The following SKIC3 variants were observed in gnomAD, a reference collection of about 807,000 sequenced individuals.
SKIC3 encodes the protein superkiller complex protein 3.
the SKIC3 span, among the ~76,000 whole-genome samples, chr5:95,467,280 C>T: frequency 6.6e-6 from 1 of 152,060 alleles, no homozygotes. Context: ...ATAAAAATAT[C>T]CATGAATCTA....
chr5:95,552,811 A>T, the SKIC3 span, among the ~76,000 whole-genome samples: 1 of 152,040 alleles, frequency 6.6e-6, no homozygotes, highest in Admixed American at 6.6e-5. Flanking sequence ...CAAAACAATG[A>T]GGAAACCTGA....
chr5:95,464,778 T>C, the SKIC3 span: 2 of 924,890 alleles, frequency 2.2e-6, no homozygotes, highest in African/African-American at 3.3e-5. Context: ...GCGGCAGTCT[T>C]GAAAAGGCAA....
the SKIC3 span, chr5:95,516,463 T>A: frequency 1.8e-5 from 29 of 1,612,230 alleles, no homozygotes; most frequent in Admixed American, 8.4e-5. Flanking sequence ...TAGTTGAAAG[T>A]CTCAGAAAAT....
the SKIC3 span, among the ~76,000 whole-genome samples, chr5:95,491,595 CCTTCACAGCAG>C: frequency 6.6e-6 from 1 of 152,188 alleles, no homozygotes; most frequent in African/African-American, 2.4e-5. Flanking sequence ...TTTCCTTCAT[CCTTCACAGCAG>C]CTTCAGGGTA....
chr5:95,474,463 G>C, the SKIC3 span, among the ~76,000 whole-genome samples: 1 of 152,178 alleles, frequency 6.6e-6, no homozygotes, highest in Non-Finnish European at 1.5e-5. Context: ...TCTGCTTCTA[G>C]CTCGTAACAT....
the SKIC3 span, chr5:95,516,875 T>C: frequency 1.2e-5 from 19 of 1,559,174 alleles, no homozygotes; most frequent in Non-Finnish European, 1.7e-5. Flanking sequence ...AAAAGCATTA[T>C]GTTTTTGAAA....
chr5:95,525,750 G>A, the SKIC3 span: 11 of 1,369,140 alleles, frequency 8.0e-6, no homozygotes, highest in East Asian at 4.6e-5. Flanking sequence ...ATTAACGAAC[G>A]AACACAGAAA....
the SKIC3 span, chr5:95,523,388 T>A: frequency 6.6e-7 from 1 of 1,510,492 alleles, no homozygotes; most frequent in Non-Finnish European, 9.1e-7. Flanking sequence ...AGAACGCTCA[T>A]GTAAAGTACA....
At chr5:95,549,655 A>G in the SKIC3 span, among the ~76,000 whole-genome samples, 53 of 152,140 alleles carry the variant, frequency 3.5e-4, no homozygotes, top group African/African-American at 1.2e-3. Context: ...GCATACACAC[A>G]TATATGTACG....
chr5:95,478,497 G>C, the SKIC3 span: 1 of 1,604,894 alleles, frequency 6.2e-7, no homozygotes, highest in Non-Finnish European at 8.5e-7. Flanking sequence ...TATGCAGTCT[G>C]TTACCCCTAC....
At chr5:95,478,757 A>G in the SKIC3 span, among the ~76,000 whole-genome samples, 1 of 152,218 alleles carries the variant, frequency 6.6e-6, no homozygotes, top group Non-Finnish European at 1.5e-5. Flanking sequence ...CCACATTAAC[A>G]GAATAAAGAA....
chr5:95,490,164 T>C, the SKIC3 span, among the ~76,000 whole-genome samples: 1 of 151,984 alleles, frequency 6.6e-6, no homozygotes, highest in East Asian at 1.9e-4. Context: ...TAACAGCTTA[T>C]TCTGACCAAG....
At chr5:95,543,343 T>G in the SKIC3 span, 2 of 1,612,998 alleles carry the variant, frequency 1.2e-6, no homozygotes, top group Non-Finnish European at 1.7e-6. Flanking sequence ...TTAAAAAAAA[T>G]TAAAAGAGTA....
chr5:95,532,249 C>T, the SKIC3 span, among the ~76,000 whole-genome samples: 1 of 152,206 alleles, frequency 6.6e-6, no homozygotes, highest in South Asian at 2.1e-4. Flanking sequence ...GGTTGGTACA[C>T]GAAAATAGTT....
At chr5:95,471,415 C>A in the SKIC3 span, among the ~76,000 whole-genome samples, 1 of 152,136 alleles carries the variant, frequency 6.6e-6, no homozygotes, top group Non-Finnish European at 1.5e-5. Context: ...TTTCCCACTA[C>A]CTGTTCAACA....
chr5:95,483,033 T>A, the SKIC3 span, among the ~76,000 whole-genome samples: 4 of 152,118 alleles, frequency 2.6e-5, no homozygotes, highest in Non-Finnish European at 5.9e-5. Context: ...GAGGCATACA[T>A]TTTTTTCTTT....
At chr5:95,495,759 T>C in the SKIC3 span, among the ~76,000 whole-genome samples, 3 of 152,214 alleles carry the variant, frequency 2.0e-5, no homozygotes, top group Non-Finnish European at 4.4e-5. Context: ...TTGTTAGATG[T>C]GCAGAATATT....
At chr5:95,527,232 T>C in the SKIC3 span, among the ~76,000 whole-genome samples, 1 of 152,228 alleles carries the variant, frequency 6.6e-6, no homozygotes, top group Non-Finnish European at 1.5e-5. Context: ...ACCTGGACTC[T>C]GCTAGTTCTC....
At chr5:95,480,581 A>G in the SKIC3 span, among the ~76,000 whole-genome samples, 3 of 152,180 alleles carry the variant, frequency 2.0e-5, no homozygotes, top group Non-Finnish European at 4.4e-5. Context: ...ATGCTCATGC[A>G]CTGCTGGTGC....
Sources: allele counts gnomAD v4.1 joint callset (sites outside exome capture counted in the v4.1 genomes callset), GRCh38; gene constraint gnomAD v4.1.1; transcripts MANE v1.5; gene names NCBI Gene and HGNC (gene_info 2026-07-23, HGNC 2026-07-21).